LUZP2: variants seen among roughly 807,000 people sequenced by gnomAD.
LUZP2 encodes leucine zipper protein 2.
LUZP2 carries 52 observed loss-of-function variants against 51.6 expected under a neutral mutation model. The observed-to-expected ratio is 1.01, with a 90% CI of 0.81 to 1.27. The LOEUF is 1.27. LUZP2 is among the 50% of genes most tolerant of loss of function. LUZP2 has a pLI of 0.00. For missense variants in LUZP2, 436 were observed against 395.4 expected (o/e 1.10, Z -0.87); for synonymous variants, 154 against 137.3 (o/e 1.12, Z -0.85).
At chr11:24,934,244 A>G (rs1318315481) in intron 7 of LUZP2, among the ~76,000 whole-genome samples, 1 of 152,224 alleles carries the variant, frequency 6.6e-6, no homozygotes, top group Non-Finnish European at 1.5e-5. Context: ...CACAAGGGAT[A>G]TGATGGCTTA....
intron 1 of LUZP2, among the ~76,000 whole-genome samples, chr11:24,512,456 T>A (rs902695461): frequency 4.1e-4 from 62 of 152,188 alleles, no homozygotes; most frequent in African/African-American, 1.4e-3. Flanking sequence ...ACATATTTTA[T>A]TGCTGAAGCA....
intron 1 of LUZP2, among the ~76,000 whole-genome samples, chr11:24,502,694 G>A (rs1436197689): frequency 6.6e-6 from 1 of 152,068 alleles, no homozygotes; most frequent in South Asian, 2.1e-4. Context: ...CCCCTCCAAA[G>A]TGTTTTTGAT....
chr11:24,858,683 T>C (rs1422199096), intron 5 of LUZP2, among the ~76,000 whole-genome samples: 1 of 152,218 alleles, frequency 6.6e-6, no homozygotes, highest in Non-Finnish European at 1.5e-5. Context: ...GTGAACAATG[T>C]AGTTCTTTAG....
chr11:25,052,081 A>G (rs1858533511), intron 10 of LUZP2, among the ~76,000 whole-genome samples: 1 of 152,156 alleles, frequency 6.6e-6, no homozygotes, highest in Admixed American at 6.5e-5. Context: ...TATAAATGTT[A>G]TTTCACTAAC....
chr11:24,574,131 TTCTC>T (rs970038963), intron 1 of LUZP2, among the ~76,000 whole-genome samples: 4 of 151,160 alleles, frequency 2.6e-5, no homozygotes, highest in African/African-American at 7.3e-5. Flanking sequence ...TTCCTTTCCT[TTCTC>T]TTTCTTTCCT....
chr11:24,732,096 A>T (rs1356642499), intron 2 of LUZP2, 22 bp from the exon 3 acceptor site: 2 of 1,591,272 alleles, frequency 1.3e-6, no homozygotes, highest in Non-Finnish European at 1.7e-6. Context: ...ATAAAACTTC[A>T]TTTTTCCACT....
At chr11:24,771,880 C>T (rs796645047) in intron 5 of LUZP2, among the ~76,000 whole-genome samples, 1 of 152,168 alleles carries the variant, frequency 6.6e-6, no homozygotes. Context: ...CATGACTTTG[C>T]TCCTCGTTCA....
intron 1 of LUZP2, among the ~76,000 whole-genome samples, chr11:24,657,290 T>A (rs983521826): frequency 6.6e-6 from 1 of 152,156 alleles, no homozygotes; most frequent in African/African-American, 2.4e-5. Context: ...TAAATGTGGA[T>A]TATTAGAAAA....
intron 1 of LUZP2, among the ~76,000 whole-genome samples, chr11:24,713,683 G>GTCTTTTTTTTTT (rs1554978134): frequency 5.6e-5 from 5 of 89,698 alleles, no homozygotes; most frequent in African/African-American, 2.3e-4. Flanking sequence ...GTGAGAATCT[G>GTCTTTTTTTTTT]TTTTTTTTTT....
At chr11:24,723,964 G>T (rs1468485002) in intron 1 of LUZP2, among the ~76,000 whole-genome samples, 1 of 152,180 alleles carries the variant, frequency 6.6e-6, no homozygotes, top group Non-Finnish European at 1.5e-5. Context: ...TGATTTATAT[G>T]TGTATTAATT....
intron 7 of LUZP2, among the ~76,000 whole-genome samples, chr11:24,919,642 G>T (rs1025062533): frequency 6.8e-6 from 1 of 147,788 alleles, no homozygotes; most frequent in Non-Finnish European, 1.5e-5. Context: ...TCACTTATGT[G>T]TAGGTATGTT....
intron 5 of LUZP2, among the ~76,000 whole-genome samples, chr11:24,838,085 C>A (rs1850911183): frequency 8.8e-6 from 1 of 113,624 alleles, no homozygotes; most frequent in African/African-American, 3.0e-5. Flanking sequence ...AATATGTGGT[C>A]CAACTAAGGC....
At chr11:25,068,606 G>A (rs1859063866) in intron 10 of LUZP2, among the ~76,000 whole-genome samples, 1 of 151,956 alleles carries the variant, frequency 6.6e-6, no homozygotes, top group Admixed American at 6.6e-5. Context: ...GTTTGAACAA[G>A]TATTGTATGT....
intron 1 of LUZP2, among the ~76,000 whole-genome samples, chr11:24,701,912 G>T (rs1033556517): frequency 6.6e-6 from 1 of 152,108 alleles, no homozygotes; most frequent in African/African-American, 2.4e-5. Context: ...TCACAGTTCT[G>T]CATTTAATGT....
intron 8 of LUZP2, among the ~76,000 whole-genome samples, chr11:24,981,778 A>G (rs1035776646): frequency 6.6e-6 from 1 of 151,948 alleles, no homozygotes; most frequent in African/African-American, 2.4e-5. Context: ...CAGAAAGTTG[A>G]TGCAGAAAGA....
At chr11:25,012,813 A>G (rs374135451) in intron 9 of LUZP2, among the ~76,000 whole-genome samples, 34 of 152,186 alleles carry the variant, frequency 2.2e-4, no homozygotes, top group African/African-American at 7.5e-4. Context: ...GACACTAAGG[A>G]GATTTCTCAA....
chr11:24,993,876 G>C (rs1246597181), intron 9 of LUZP2, among the ~76,000 whole-genome samples: 1 of 151,606 alleles, frequency 6.6e-6, no homozygotes, highest in African/African-American at 2.4e-5. Context: ...GGGGGGGTGT[G>C]GGGGAATAGA....
chr11:24,680,657 G>C (rs180734543), intron 1 of LUZP2, among the ~76,000 whole-genome samples: 2 of 152,198 alleles, frequency 1.3e-5, no homozygotes, highest in Non-Finnish European at 2.9e-5. Context: ...TGTGGGGCCA[G>C]TAATAACAGT....
chr11:24,885,499 T>C (rs1169901120), intron 5 of LUZP2, among the ~76,000 whole-genome samples: 1 of 152,146 alleles, frequency 6.6e-6, no homozygotes, highest in Non-Finnish European at 1.5e-5. Flanking sequence ...CTAGTTGTCC[T>C]GATCCAAGAA....
Sources: allele counts gnomAD v4.1 joint callset (sites outside exome capture counted in the v4.1 genomes callset), GRCh38; gene constraint gnomAD v4.1.1; transcripts MANE v1.5; gene names NCBI Gene and HGNC (gene_info 2026-07-23, HGNC 2026-07-21).